Variants in EHMT1 observed in about 807,000 individuals in gnomAD.
The protein encoded by EHMT1 is euchromatic histone lysine methyltransferase 1.
Under a neutral mutation model 147.2 loss-of-function variants are expected in EHMT1, and 15 were observed. The observed-to-expected ratio is 0.10, with a 90% CI of 0.07 to 0.16. EHMT1 has a LOEUF of 0.16. Among genes scored for constraint, EHMT1 ranks in the 10% least tolerant of loss-of-function variants. The pLI, the probability that EHMT1 is intolerant of heterozygous loss-of-function variation, is 1.00. For synonymous variants in EHMT1, 795 were observed against 709.6 expected (o/e 1.12, Z -1.91); for missense variants, 1,587 against 1,772.4 (o/e 0.90, Z 1.88).
chr9:137,709,293 G>C (rs1944495460), intron 1 of EHMT1, among the ~76,000 whole-genome samples: 1 of 152,214 alleles, frequency 6.6e-6, no homozygotes, highest in Non-Finnish European at 1.5e-5. Flanking sequence ...TGATGGACCA[G>C]GAAAGGTAGC....
chr9:137,825,697 C>G (rs1307519813), intron 25 of EHMT1, among the ~76,000 whole-genome samples: 2 of 152,212 alleles, frequency 1.3e-5, no homozygotes, highest in Non-Finnish European at 2.9e-5. Flanking sequence ...AAAATTAACT[C>G]TTTAACCTGT....
At chr9:137,711,178 A>T (rs1442887156) in intron 2 of EHMT1, 148 bp downstream of exon 2, 1 of 779,236 alleles carries the variant, frequency 1.3e-6, no homozygotes, top group Non-Finnish European at 1.9e-6. Flanking sequence ...TCCCATTCCT[A>T]AATAGCACAG....
At chr9:137,770,100 G>C (rs1161015556) in intron 10 of EHMT1, among the ~76,000 whole-genome samples, 1 of 152,170 alleles carries the variant, frequency 6.6e-6, no homozygotes, top group Non-Finnish European at 1.5e-5. Context: ...GCCTCCCAAA[G>C]TGCTGGGATT....
intron 15 of EHMT1, 58 bp from the exon 16 acceptor site, chr9:137,790,789 TC>T: frequency 6.2e-7 from 1 of 1,613,832 alleles, no homozygotes; most frequent in South Asian, 1.1e-5. Context: ...AAGTCACTTC[TC>T]CCCAGGCGGT....
At chr9:137,798,787 T>TA (rs1953184065) in intron 16 of EHMT1, 26 bp from the exon 17 acceptor site, 2 of 1,596,714 alleles carry the variant, frequency 1.3e-6, no homozygotes, top group East Asian at 4.5e-5. Context: ...TATGGATTCT[T>TA]TGACTAAGTG....
chr9:137,741,874 G>A (rs1948115096), intron 4 of EHMT1, among the ~76,000 whole-genome samples: 1 of 152,158 alleles, frequency 6.6e-6, no homozygotes, highest in South Asian at 2.1e-4. Context: ...TTAAAGCTGA[G>A]AGACTTGACA....
rs1444740639 is a variant in EHMT1, at chr9:137,792,322, GTCTTT to G, written c.2505+1355_2505+1359del. ...AAGACCATTCAATGGGGAAAAGACT[GTCTTT>G]TCAACAGATGGTGCTGAGACAGCTG... On this transcript the variant is annotated intron_variant, in intron 16 of 26. Coordinates refer to ENST00000460843, the MANE Select transcript of EHMT1 (RefSeq NM_024757.5). The G allele has an allele frequency of 9.8e-6, 3 of 304,636 alleles. No homozygotes were observed. In the East Asian group the frequency reaches 2.4e-4, roughly 24 times the overall value. 18.9% of individuals were successfully genotyped at this position (304,636 alleles called of 1,614,324 possible).
chr9:137,677,812 A>G (rs1941516877), intron 1 of EHMT1, among the ~76,000 whole-genome samples: 1 of 151,876 alleles, frequency 6.6e-6, no homozygotes, highest in African/African-American at 2.4e-5. Context: ...TAATCCCAGC[A>G]CTTTGGGAGG....
intron 3 of EHMT1, 126 bp from the exon 4 acceptor site, chr9:137,728,223 C>G: frequency 7.3e-7 from 1 of 1,369,114 alleles, no homozygotes; most frequent in Middle Eastern, 1.8e-4. Context: ...TTTCTCCTCT[C>G]TCCATTGTAT....
chr9:137,647,988 T>G (rs543743429), intron 1 of EHMT1, among the ~76,000 whole-genome samples: 1 of 152,312 alleles, frequency 6.6e-6, no homozygotes, highest in African/African-American at 2.4e-5. Flanking sequence ...GGGAAACCAC[T>G]CTGCCCTTCC....
At chr9:137,702,085 C>T (rs1206025291) in intron 1 of EHMT1, among the ~76,000 whole-genome samples, 4 of 152,066 alleles carry the variant, frequency 2.6e-5, no homozygotes, top group Non-Finnish European at 5.9e-5. Context: ...TGAGCCACTG[C>T]GCCCAGCCTA....
intron 5 of EHMT1, 66 bp downstream of exon 5, chr9:137,743,594 G>C: frequency 1.2e-6 from 2 of 1,609,422 alleles, no homozygotes; most frequent in Non-Finnish European, 1.7e-6. Flanking sequence ...TCAGGGCCTC[G>C]TTATCAGTAA....
Position 137,669,663 on chromosome 9 carries a change from A to G in EHMT1, c.22-41304A>G, listed in dbSNP as rs1001155760. Reference sequence around the variant, plus strand: ...ACTTTTTGCTCTCTTCGGAGCATTCATTGCCTTTAGTACACAGACTTGTGT... The same window carrying G: ...ACTTTTTGCTCTCTTCGGAGCATTCGTTGCCTTTAGTACACAGACTTGTGT... On this transcript the variant is annotated intron_variant, in intron 1 of 26. Transcript: ENST00000460843. Among the ~76,000 whole-genome samples the G allele has an allele frequency of 9.3e-4, 140 of 150,322 alleles. 1 individual carries two copies. The highest frequency in any genetic ancestry group is 3.4e-3 in the African/African-American group (137 of 40,684).
chr9:137,808,634 T>G (rs906827101), intron 18 of EHMT1, among the ~76,000 whole-genome samples: 3 of 125,800 alleles, frequency 2.4e-5, no homozygotes, highest in African/African-American at 9.4e-5. Context: ...AAGGATCTTA[T>G]GTGAACTGGA....
chr9:137,712,386 G>A (rs1011355242), intron 2 of EHMT1, among the ~76,000 whole-genome samples: 2 of 152,142 alleles, frequency 1.3e-5, no homozygotes, highest in South Asian at 2.1e-4. Context: ...GGACCCCCAC[G>A]GTGGCTGCCC....
chr9:137,677,653 A>G (rs1223034630), intron 1 of EHMT1, among the ~76,000 whole-genome samples: 1 of 151,982 alleles, frequency 6.6e-6, no homozygotes, highest in Non-Finnish European at 1.5e-5. Flanking sequence ...GGCATTTTTA[A>G]TGAAGGGGGT....
At chr9:137,760,991 A>G (rs1352407019) in intron 9 of EHMT1, among the ~76,000 whole-genome samples, 2 of 152,218 alleles carry the variant, frequency 1.3e-5, no homozygotes, top group Non-Finnish European at 2.9e-5. Flanking sequence ...TGGGCGACAG[A>G]GCGAGACTCT....
intron 18 of EHMT1, among the ~76,000 whole-genome samples, chr9:137,809,827 T>G (rs899005213): frequency 4.6e-5 from 7 of 152,218 alleles, no homozygotes; most frequent in Admixed American, 1.3e-4. Context: ...TGAGTGACTG[T>G]GGGGGAAGGG....
chr9:137,687,996 T>A (rs1942606604), intron 1 of EHMT1, among the ~76,000 whole-genome samples: 1 of 152,232 alleles, frequency 6.6e-6, no homozygotes, highest in South Asian at 2.1e-4. Context: ...GAACTTGTTT[T>A]GATAAATTTA....
Sources: gnomAD v4.1 joint callset for allele counts (sites outside exome capture counted in the v4.1 genomes callset) on GRCh38, gnomAD v4.1.1 for gene constraint, MANE v1.5 for transcripts, NCBI Gene and HGNC (gene_info 2026-07-23, HGNC 2026-07-21) for gene names.